Variants in DIP2B observed in about 807,000 individuals in gnomAD.
DIP2B encodes disco-interacting protein 2 homolog B.
A neutral mutation model predicts 198.0 loss-of-function variants in DIP2B; 76 were observed. The ratio of observed to expected loss-of-function variants is 0.38; its 90% CI spans 0.32 to 0.46. The LOEUF (loss-of-function observed/expected upper bound fraction) is 0.46. Ranked by LOEUF, DIP2B falls within the 20% of genes least tolerant of loss-of-function variation. DIP2B has a pLI of 0.99. For missense variants in DIP2B, 1,559 were observed against 1,978.4 expected (o/e 0.79, Z 4.02); for synonymous variants, 701 against 739.1 (o/e 0.95, Z 0.84).
chr12:50,716,958 C>CTTTTTTTTTTTTTTGTTTTTT (rs1939732837), intron 23 of DIP2B, among the ~76,000 whole-genome samples: 1 of 58,924 alleles, frequency 1.7e-5, no homozygotes, highest in Non-Finnish European at 3.0e-5. Flanking sequence ...CGAATTGTTG[C>CTTTTTTTTTTTTTTGTTTTTT]TTTTTTTTTT....
At chr12:50,576,952 C>T (rs1232407259) in intron 1 of DIP2B, among the ~76,000 whole-genome samples, 2 of 152,000 alleles carry the variant, frequency 1.3e-5, no homozygotes, top group African/African-American at 4.8e-5. Flanking sequence ...TAACATCCGC[C>T]TCCTAGGTTC....
chr12:50,732,093 T>C (rs911515471), intron 31 of DIP2B, among the ~76,000 whole-genome samples: 1 of 152,118 alleles, frequency 6.6e-6, no homozygotes, highest in Non-Finnish European at 1.5e-5. Context: ...GGTACAGAAA[T>C]GAGGAGGGAT....
At chr12:50,655,165 G>A (rs1416677208) in intron 3 of DIP2B, 4 of 301,642 alleles carry the variant, frequency 1.3e-5, no homozygotes, top group African/African-American at 4.3e-5. Flanking sequence ...ACTGTGTACA[G>A]TAGTGTACTA....
intron 2 of DIP2B, among the ~76,000 whole-genome samples, chr12:50,637,684 G>A (rs1045643047): frequency 6.6e-6 from 1 of 152,108 alleles, no homozygotes; most frequent in Non-Finnish European, 1.5e-5. Flanking sequence ...AGGCATGTCT[G>A]CTCTGTTCAC....
Position 50,697,170 on chromosome 12 carries a change from C to T in DIP2B, c.2043C>T (p.Ile681=), listed in dbSNP as rs1480179847. The change falls in exon 17 of 38, where the codon ATC becomes ATT. Residue 681 remains isoleucine (I), a synonymous_variant. Coordinates refer to ENST00000301180, the MANE Select transcript of DIP2B (RefSeq NM_173602.3). ...CTGCTGAAGCCATGACTGTAGCAAT[C>T]CGCAGGTACTGTTCAGGATGTCAGA... ...ATSAEAMTVA[I]RRPGVPGAPL... 1 of 1,613,736 alleles carries T rather than the reference C, an allele frequency of 6.2e-7. No homozygotes were observed.
intron 1 of DIP2B, among the ~76,000 whole-genome samples, chr12:50,506,856 A>G (rs774016464): frequency 2.0e-5 from 3 of 152,196 alleles, no homozygotes; most frequent in Non-Finnish European, 4.4e-5. Context: ...AAAGTAACAA[A>G]TCATCTAGCT....
chr12:50,506,597 C>T (rs980432763), intron 1 of DIP2B, among the ~76,000 whole-genome samples: 45 of 98,076 alleles, frequency 4.6e-4, no homozygotes, highest in African/African-American at 1.3e-3. Context: ...TCAAGTTATT[C>T]TTCGGCCAGT....
chr12:50,669,296 G>A (rs924752942), intron 4 of DIP2B, among the ~76,000 whole-genome samples: 2 of 152,180 alleles, frequency 1.3e-5, no homozygotes, highest in Non-Finnish European at 2.9e-5. Context: ...CCTGGCACAT[G>A]TTGTGATTAG....
chr12:50,740,045 T>G lies in DIP2B; in HGVS notation c.4354+459T>G, dbSNP rs76106894. ...TGTCTTGCGTTGGACACAGCCTGCT[T>G]CCTGGCCAGGCCTCTGGTATGAGGA... On this transcript the variant is annotated intron_variant, in intron 36 of 37. Coordinates refer to ENST00000301180, the MANE Select transcript of DIP2B (RefSeq NM_173602.3). Among the ~76,000 whole-genome samples, 31 of 152,340 alleles carry G rather than the reference T, an allele frequency of 2.0e-4. No homozygotes were observed. The East Asian group carries it at 4.6e-3, about 23-fold the overall frequency.
At chr12:50,509,835 A>G (rs1449543928) in intron 1 of DIP2B, among the ~76,000 whole-genome samples, 3 of 152,210 alleles carry the variant, frequency 2.0e-5, no homozygotes, top group African/African-American at 7.2e-5. Context: ...GATTCGTAGG[A>G]TACACCTTTA....
At chr12:50,636,230 G>T (rs1938157314) in intron 2 of DIP2B, among the ~76,000 whole-genome samples, 1 of 152,230 alleles carries the variant, frequency 6.6e-6, no homozygotes, top group African/African-American at 2.4e-5. Flanking sequence ...GGTAGGCAAT[G>T]TGCCTCTGTG....
intron 1 of DIP2B, among the ~76,000 whole-genome samples, chr12:50,579,199 A>T (rs1958691901): frequency 6.6e-6 from 1 of 152,170 alleles, no homozygotes; most frequent in African/African-American, 2.4e-5. Context: ...TTAGATTTGG[A>T]TGTCAGCCAG....
intron 20 of DIP2B, among the ~76,000 whole-genome samples, chr12:50,704,686 C>T (rs142984228): frequency 1.4e-4 from 21 of 152,190 alleles, no homozygotes; most frequent in Non-Finnish European, 2.9e-4. Flanking sequence ...CAGTTTGGGC[C>T]GGGTGTGGTG....
At chr12:50,652,096 G>A (rs1314954015) in intron 3 of DIP2B, among the ~76,000 whole-genome samples, 5 of 151,748 alleles carry the variant, frequency 3.3e-5, no homozygotes, top group African/African-American at 9.7e-5. Flanking sequence ...GGACGATCAC[G>A]AAGTCAGGAA....
At chr12:50,655,978 A>G (rs1938548327) in intron 3 of DIP2B, among the ~76,000 whole-genome samples, 1 of 152,206 alleles carries the variant, frequency 6.6e-6, no homozygotes, top group Non-Finnish European at 1.5e-5. Context: ...CTGTCCCAAA[A>G]ATAAAAAATA....
At chr12:50,668,743 CT>C (rs1471015162) in intron 4 of DIP2B, among the ~76,000 whole-genome samples, 1 of 152,118 alleles carries the variant, frequency 6.6e-6, no homozygotes, top group Non-Finnish European at 1.5e-5. Context: ...CTTGAAAATA[CT>C]TTATTCTTAA....
intron 1 of DIP2B, among the ~76,000 whole-genome samples, chr12:50,609,565 G>A (rs1959013862): frequency 6.6e-6 from 1 of 152,188 alleles, no homozygotes; most frequent in Non-Finnish European, 1.5e-5. Context: ...TGGGAAGGGA[G>A]AAAGAGAAGG....
chr12:50,560,750 CA>C (rs768843010), intron 1 of DIP2B, among the ~76,000 whole-genome samples: 2 of 149,392 alleles, frequency 1.3e-5, no homozygotes, highest in Admixed American at 6.7e-5. Flanking sequence ...GACCCTGTCT[CA>C]AAAAAAAATA....
At chr12:50,562,631 G>C (rs1315501730) in intron 1 of DIP2B, among the ~76,000 whole-genome samples, 1 of 151,862 alleles carries the variant, frequency 6.6e-6, no homozygotes, top group Non-Finnish European at 1.5e-5. Context: ...TACTGGAGAG[G>C]CTGAGATGGG....
Sources: gnomAD v4.1 joint callset for allele counts (sites outside exome capture counted in the v4.1 genomes callset) on GRCh38, gnomAD v4.1.1 for gene constraint, MANE v1.5 for transcripts, NCBI Gene and HGNC (gene_info 2026-07-23, HGNC 2026-07-21) for gene names.